Variants in BLZF1 observed in about 807,000 individuals in gnomAD.
BLZF1 encodes golgin-45.
A neutral mutation model predicts 43.8 loss-of-function variants in BLZF1; 39 were observed. The observed-to-expected ratio is 0.89, with a 90% confidence interval of 0.69 to 1.16. The LOEUF is 1.16. Among genes scored for constraint, BLZF1 ranks in the 50% most tolerant of loss-of-function variants. BLZF1 has a pLI of 0.00. For missense variants in BLZF1, 449 were observed against 469.8 expected, an observed-to-expected ratio of 0.96 and a Z score of 0.41; for synonymous variants, 136 against 159.4, an observed-to-expected ratio of 0.85 and a Z score of 1.11.
intron 4 of BLZF1, among the ~76,000 whole-genome samples, chr1:169,380,139 T>C (rs750529167): frequency 3.7e-4 from 57 of 152,044 alleles, no homozygotes; most frequent in Non-Finnish European, 6.8e-4. Context: ...TGTTTGTCTC[T>C]TTAAGTTTTT....
downstream of BLZF1, among the ~76,000 whole-genome samples, chr1:169,389,113 C>T (rs1654754885): frequency 1.4e-5 from 2 of 144,126 alleles, no homozygotes; most frequent in South Asian, 4.5e-4. Context: ...CGGAGCGAAA[C>T]TCTGTCTCAA....
downstream of BLZF1, among the ~76,000 whole-genome samples, chr1:169,390,416 C>T (rs6669741): frequency 0.53 from 81,151 of 151,770 alleles, 22,508 homozygotes; most frequent in Non-Finnish European, 0.6. Context: ...AAAGAAAGAC[C>T]AAATTGACAA....
intron 2 of BLZF1, among the ~76,000 whole-genome samples, chr1:169,374,104 A>C (rs1043779450): frequency 1.3e-5 from 2 of 151,874 alleles, no homozygotes; most frequent in Non-Finnish European, 2.9e-5. Flanking sequence ...GATGGCTCAC[A>C]TCTGTAATCC....
At chr1:169,382,607 T>A (rs1654558409) in intron 6 of BLZF1, among the ~76,000 whole-genome samples, 1 of 152,230 alleles carries the variant, frequency 6.6e-6, no homozygotes, top group Non-Finnish European at 1.5e-5. Context: ...TAGATTAAAT[T>A]AGTAGATTCA....
chr1:169,379,728 C>A (rs987709602), intron 4 of BLZF1, among the ~76,000 whole-genome samples: 6 of 151,886 alleles, frequency 4.0e-5, no homozygotes, highest in Non-Finnish European at 8.8e-5. Flanking sequence ...CATACTTGAA[C>A]ATTTTGCTTC....
chr1:169,394,580 C>T (rs932009502), intron 7 of BLZF1, among the ~76,000 whole-genome samples: 2 of 152,026 alleles, frequency 1.3e-5, no homozygotes, highest in African/African-American at 2.4e-5. Context: ...AAGGTACTAA[C>T]GGGTGGAATT....
At chr1:169,392,594 C>T (rs1364828081), downstream of BLZF1, among the ~76,000 whole-genome samples, 1 of 152,184 alleles carries the variant, frequency 6.6e-6, no homozygotes, top group Non-Finnish European at 1.5e-5. Context: ...GCTCCTAAAA[C>T]CCTTGCAACA....
chr1:169,376,469 AT>A, intron 2 of BLZF1, 70 bp from the exon 3 acceptor site: 1 of 1,353,244 alleles, frequency 7.4e-7, no homozygotes, highest in Non-Finnish European at 1.0e-6. Context: ...AATATAGGGT[AT>A]AGCATGTATT....
At chr1:169,383,630 A>T (rs985421201) in intron 6 of BLZF1, among the ~76,000 whole-genome samples, 1 of 152,150 alleles carries the variant, frequency 6.6e-6, no homozygotes, top group South Asian at 2.1e-4. Context: ...CTATCATATT[A>T]TACTGTATCG....
chr1:169,390,129 A>G (rs1287303929), downstream of BLZF1, among the ~76,000 whole-genome samples: 1 of 152,204 alleles, frequency 6.6e-6, no homozygotes, highest in Non-Finnish European at 1.5e-5. Context: ...AAACTAAAAA[A>G]AAATTATATA....
downstream of BLZF1, among the ~76,000 whole-genome samples, chr1:169,393,139 T>C (rs963595985): frequency 6.6e-6 from 1 of 152,116 alleles, no homozygotes; most frequent in Non-Finnish European, 1.5e-5. Context: ...GAATACCTAC[T>C]TGGTGTCTGC....
downstream of BLZF1, among the ~76,000 whole-genome samples, chr1:169,388,658 T>G (rs1654739035): frequency 6.6e-6 from 1 of 152,154 alleles, no homozygotes; most frequent in South Asian, 2.1e-4. Flanking sequence ...AAAGCACTCC[T>G]ACAACTCAAC....
chr1:169,375,634 A>T (rs975379369), intron 2 of BLZF1, among the ~76,000 whole-genome samples: 1 of 151,262 alleles, frequency 6.6e-6, no homozygotes, highest in Non-Finnish European at 1.5e-5. Flanking sequence ...TCTTAAGCAT[A>T]GTGGTCTTAC....
chr1:169,380,161 A>G (rs1185119106), intron 4 of BLZF1, among the ~76,000 whole-genome samples: 1 of 151,934 alleles, frequency 6.6e-6, no homozygotes, highest in Non-Finnish European at 1.5e-5. Flanking sequence ...TGTATTTAAA[A>G]ATATTTAATA....
chr1:169,390,586 C>T (rs532435403), downstream of BLZF1, among the ~76,000 whole-genome samples: 1 of 152,140 alleles, frequency 6.6e-6, no homozygotes, highest in Admixed American at 6.5e-5. Context: ...TGTATTAGTC[C>T]ACTCTCATGG....
intron 2 of BLZF1, among the ~76,000 whole-genome samples, chr1:169,375,672 T>C (rs984456687): frequency 6.6e-6 from 1 of 151,498 alleles, no homozygotes; most frequent in African/African-American, 2.4e-5. Flanking sequence ...CTTCATTAGG[T>C]ACCCAGCATC....
At chr1:169,395,222 T>A in intron 7 of BLZF1, 1 of 1,604,746 alleles carries the variant, frequency 6.2e-7, no homozygotes, top group Non-Finnish European at 8.5e-7. Context: ...GAAACAGGCA[T>A]GATCAGATTT....
Position 169,387,426 on chromosome 1 carries a change from G to A in BLZF1, c.*244G>A, listed in dbSNP as rs2102021796. 1 of 316,046 alleles carries A rather than the reference G, an allele frequency of 3.2e-6. No individual in the cohort carries two copies. The highest frequency in any genetic ancestry group is 9.4e-5 in the South Asian group (1 of 10,630). 19.6% of individuals were successfully genotyped at this position (316,046 alleles called of 1,614,324 possible). ...AGAGAATACTTTCCAAGCAATACATGATACTTTTCCTAAAAGACTCTAAAA... is the reference window on the plus strand; with the variant it reads ...AGAGAATACTTTCCAAGCAATACATAATACTTTTCCTAAAAGACTCTAAAA... On this transcript the variant is annotated 3_prime_UTR_variant, in exon 7 of 7. Transcript: ENST00000367808.
At chr1:169,368,784 G>A (rs1276851848) in intron 1 of BLZF1, among the ~76,000 whole-genome samples, 2 of 152,198 alleles carry the variant, frequency 1.3e-5, no homozygotes, top group East Asian at 3.8e-4. Context: ...GTTGTATCTA[G>A]TACTGAGAAC....
Sources: gnomAD v4.1 joint callset for allele counts (sites outside exome capture counted in the v4.1 genomes callset) on GRCh38, gnomAD v4.1.1 for gene constraint, MANE v1.5 for transcripts, NCBI Gene and HGNC (gene_info 2026-07-23, HGNC 2026-07-21) for gene names.